ZNF804A: variants seen among roughly 807,000 people sequenced by gnomAD.
The protein encoded by ZNF804A is zinc finger protein 804A.
Under a neutral mutation model 16.5 loss-of-function variants are expected in ZNF804A, and 2 were observed. That is an observed-to-expected ratio of 0.12 (90% CI 0.05 to 0.38). ZNF804A has a LOEUF of 0.38. ZNF804A is among the 10% of genes least tolerant of loss of function. The pLI is 0.99. For synonymous variants in ZNF804A, 534 were observed against 489.6 expected (o/e 1.09, Z -1.20); for missense variants, 1,473 against 1,390.7 (o/e 1.06, Z -0.94).
intron 1 of ZNF804A, among the ~76,000 whole-genome samples, chr2:184,770,485 G>A (rs368313001): frequency 6.9e-4 from 105 of 151,710 alleles, no homozygotes; most frequent in African/African-American, 2.5e-3. Flanking sequence ...AAGGGCATGG[G>A]GAGAAGGGAC....
At chr2:184,919,676 C>T (rs1397879315) in intron 2 of ZNF804A, among the ~76,000 whole-genome samples, 1 of 152,184 alleles carries the variant, frequency 6.6e-6, no homozygotes, top group Non-Finnish European at 1.5e-5. Context: ...ATCCAGCCAA[C>T]CCATTGGCCA....
At chr2:184,904,656 C>A (rs1685241920) in intron 2 of ZNF804A, among the ~76,000 whole-genome samples, 1 of 151,880 alleles carries the variant, frequency 6.6e-6, no homozygotes. Flanking sequence ...AAATTAAGTC[C>A]TTAGTTTATT....
intron 1 of ZNF804A, among the ~76,000 whole-genome samples, chr2:184,751,808 C>T (rs1693881673): frequency 6.6e-6 from 1 of 151,342 alleles, no homozygotes; most frequent in Non-Finnish European, 1.5e-5. Context: ...ACATTAAAAA[C>T]TGGGCAAAGG....
intron 2 of ZNF804A, among the ~76,000 whole-genome samples, chr2:184,925,700 G>A (rs1017781515): frequency 6.6e-6 from 1 of 151,238 alleles, no homozygotes; most frequent in Non-Finnish European, 1.5e-5. Context: ...TTTATTTGTT[G>A]TGTTTTAATT....
chr2:184,762,450 A>C (rs1349239125), intron 1 of ZNF804A, among the ~76,000 whole-genome samples: 3 of 151,938 alleles, frequency 2.0e-5, no homozygotes, highest in African/African-American at 7.2e-5. Flanking sequence ...GTAATGTTTG[A>C]GAATCTTGAA....
chr2:184,621,392 T>A (rs1691417310), intron 1 of ZNF804A, among the ~76,000 whole-genome samples: 1 of 151,764 alleles, frequency 6.6e-6, no homozygotes. Flanking sequence ...TATATAGCTA[T>A]ATATCCATGT....
intron 1 of ZNF804A, among the ~76,000 whole-genome samples, chr2:184,861,602 A>G (rs1027618353): frequency 6.6e-6 from 1 of 152,308 alleles, no homozygotes; most frequent in South Asian, 2.1e-4. Context: ...GAAAACAGGT[A>G]CAAATTCTTT....
At chr2:184,900,124 A>G (rs762128866) in intron 2 of ZNF804A, among the ~76,000 whole-genome samples, 2 of 152,146 alleles carry the variant, frequency 1.3e-5, no homozygotes, top group African/African-American at 2.4e-5. Context: ...TGTCCAGCCC[A>G]GTTTAATCAG....
At chr2:184,735,526 C>A (rs1300610749) in intron 1 of ZNF804A, among the ~76,000 whole-genome samples, 1 of 152,096 alleles carries the variant, frequency 6.6e-6, no homozygotes, top group Non-Finnish European at 1.5e-5. Context: ...AACCACCATG[C>A]ATGTGTATAC....
intron 1 of ZNF804A, among the ~76,000 whole-genome samples, chr2:184,635,271 A>G (rs1691677906): frequency 6.6e-6 from 1 of 152,134 alleles, no homozygotes; most frequent in Non-Finnish European, 1.5e-5. Context: ...CTAACACCAT[A>G]AAGGATTTCC....
rs149006073 is a variant in ZNF804A, at chr2:184,867,585, C to T, written c.255+1073C>T. On this transcript the variant is annotated intron_variant, in intron 2 of 3. Transcript: ENST00000302277. ...TACATACTTCACCGATTAATGCATA[C>T]TTAGCTTAATGATCTGTCCTTGCCT... 2.0e-3 allele frequency among the ~76,000 whole-genome samples: 311 copies of T among 152,050 alleles called. 1 individual carries two copies. Among genetic ancestry groups the T allele is most frequent in the African/African-American group, 7.2e-3 (298 of 41,528 alleles).
At chr2:184,814,023 G>GTTTTTTTTTTTCT (rs1231774388) in intron 1 of ZNF804A, among the ~76,000 whole-genome samples, 1 of 109,280 alleles carries the variant, frequency 9.2e-6, no homozygotes, top group African/African-American at 3.5e-5. Flanking sequence ...TTTTTTTTTG[G>GTTTTTTTTTTTCT]CTTGTCTACT....
In ZNF804A at chr2:184,862,793, G is replaced by A. The variant is rs567735687; in HGVS notation, c.112-3576G>A. 2.6e-5 allele frequency among the ~76,000 whole-genome samples: 4 copies of A among 152,160 alleles called. No individual in the cohort carries two copies. The East Asian group carries it at 7.7e-4, about 29-fold the overall frequency. On this transcript the variant is annotated intron_variant, in intron 1 of 3. Coordinates refer to ENST00000302277, the MANE Select transcript of ZNF804A (RefSeq NM_194250.2). ...AAGCATAGAAGATGGTAATATATGG[G>A]CCTTAATGGAATTTTGTTTTGAACA...
At chr2:184,755,125 A>G (rs938261296) in intron 1 of ZNF804A, among the ~76,000 whole-genome samples, 19 of 151,952 alleles carry the variant, frequency 1.3e-4, no homozygotes, top group Non-Finnish European at 1.5e-4. Flanking sequence ...CCCTTAATTT[A>G]CATGAGAACA....
chr2:184,901,105 T>C (rs1685174548), intron 2 of ZNF804A, among the ~76,000 whole-genome samples: 1 of 152,180 alleles, frequency 6.6e-6, no homozygotes, highest in African/African-American at 2.4e-5. Flanking sequence ...TATCCATACA[T>C]CCTACACTGC....
In ZNF804A at chr2:184,815,804, T is replaced by C. The variant is rs151206305; in HGVS notation, c.112-50565T>C. The stretch of plus-strand genomic sequence containing the variant: ...AGTTAACATCTTACAATGAATGAAA[T>C]GCTATCACATTGACTCTATCAAGAT... On this transcript the variant is annotated intron_variant, in intron 1 of 3. Transcript: ENST00000302277. Among the ~76,000 whole-genome samples, 1,124 of 152,096 alleles carry C rather than the reference T, an allele frequency of 7.4e-3. 15 individuals are homozygous for C. Among genetic ancestry groups the C allele is most frequent in the African/African-American group, 0.026 (1,077 of 41,524 alleles).
chr2:184,919,448 C>T (rs1685498287), intron 2 of ZNF804A, among the ~76,000 whole-genome samples: 1 of 152,152 alleles, frequency 6.6e-6, no homozygotes, highest in South Asian at 2.1e-4. Context: ...ACCATGGCCT[C>T]TTTGTTCATG....
intron 1 of ZNF804A, among the ~76,000 whole-genome samples, chr2:184,766,381 C>A (rs540486267): frequency 6.6e-6 from 1 of 151,990 alleles, no homozygotes; most frequent in African/African-American, 2.4e-5. Flanking sequence ...TAGAACTAAG[C>A]ACAGATAAAC....
chr2:184,860,021 G>A (rs754169489), intron 1 of ZNF804A, among the ~76,000 whole-genome samples: 10 of 152,200 alleles, frequency 6.6e-5, no homozygotes, highest in Non-Finnish European at 1.5e-5. Flanking sequence ...CACAGGAATA[G>A]GTCTGGGTCC....
Sources: gnomAD v4.1 joint callset for allele counts (sites outside exome capture counted in the v4.1 genomes callset) on GRCh38, gnomAD v4.1.1 for gene constraint, MANE v1.5 for transcripts, NCBI Gene and HGNC (gene_info 2026-07-23, HGNC 2026-07-21) for gene names.